The following NINL variants were observed in gnomAD, a reference collection of about 807,000 sequenced individuals.
The protein encoded by NINL is ninein like.
A neutral mutation model predicts 160.3 loss-of-function variants in NINL; 153 were observed. That is an observed-to-expected ratio of 0.95 (90% CI 0.84 to 1.09). NINL has a LOEUF of 1.09. Among genes scored for constraint, NINL ranks in the 50% least tolerant of loss-of-function variants. NINL has a pLI of 0.00. For missense variants in NINL, 1,829 were observed against 1,764.0 expected (o/e 1.04, Z -0.66); for synonymous variants, 800 against 734.8 (o/e 1.09, Z -1.43).
intron 1 of NINL, among the ~76,000 whole-genome samples, chr20:25,563,681 G>C (rs1223885937): frequency 1.3e-5 from 2 of 152,116 alleles, no homozygotes; most frequent in East Asian, 3.8e-4. Flanking sequence ...TAGAAGGATG[G>C]AGAAAATACA....
chr20:25,543,044 A>G (rs1012338754), intron 1 of NINL, among the ~76,000 whole-genome samples: 10 of 126,636 alleles, frequency 7.9e-5, no homozygotes, highest in African/African-American at 3.4e-4. Flanking sequence ...CGTCTTCAAA[A>G]AAAAAAAAAA....
At chr20:25,567,129 C>T (rs6076361) in intron 1 of NINL, among the ~76,000 whole-genome samples, 1 of 152,284 alleles carries the variant, frequency 6.6e-6, no homozygotes, top group Non-Finnish European at 1.5e-5. Flanking sequence ...TCTTTTAAAA[C>T]AATACCTTTG....
chr20:25,560,873 G>A (rs2064925550), intron 1 of NINL, among the ~76,000 whole-genome samples: 1 of 152,000 alleles, frequency 6.6e-6, no homozygotes, highest in African/African-American at 2.4e-5. Context: ...TAAGGTGAAA[G>A]AAAGACATTC....
At chr20:25,468,098 C>T (rs1268399218) in intron 18 of NINL, among the ~76,000 whole-genome samples, 2 of 152,150 alleles carry the variant, frequency 1.3e-5, no homozygotes, top group Admixed American at 6.5e-5. Flanking sequence ...AAACAATTGT[C>T]CTTGGATATG....
chr20:25,569,562 C>A (rs1391238842), intron 1 of NINL, among the ~76,000 whole-genome samples: 1 of 152,188 alleles, frequency 6.6e-6, no homozygotes, highest in Non-Finnish European at 1.5e-5. Context: ...GCCTGGAGGG[C>A]AAGACAGCGA....
intron 11 of NINL, among the ~76,000 whole-genome samples, chr20:25,490,332 G>A (rs1601124734): frequency 6.6e-6 from 1 of 152,170 alleles, no homozygotes; most frequent in African/African-American, 2.4e-5. Context: ...AGGCCGAGGC[G>A]GGCGGATCAC....
intron 1 of NINL, among the ~76,000 whole-genome samples, chr20:25,583,949 AACATCACAC>A (rs2065200456): frequency 6.6e-6 from 1 of 152,114 alleles, no homozygotes; most frequent in African/African-American, 2.4e-5. Context: ...CAGGGAGGGG[AACATCACAC>A]ACCTCACACA....
chr20:25,456,990 T>C (rs545966517), intron 22 of NINL, among the ~76,000 whole-genome samples: 2 of 152,150 alleles, frequency 1.3e-5, no homozygotes, highest in African/African-American at 4.8e-5. Flanking sequence ...TGACAGTGAC[T>C]GTGGGTAACC....
At chr20:25,525,959 G>A (rs910674557) in intron 2 of NINL, among the ~76,000 whole-genome samples, 25 of 152,274 alleles carry the variant, frequency 1.6e-4, no homozygotes, top group Middle Eastern at 3.4e-3. Flanking sequence ...TCTTTCAACA[G>A]TAGCTTGCAA....
intron 19 of NINL, among the ~76,000 whole-genome samples, chr20:25,463,403 C>T (rs544490426): frequency 7.7e-4 from 117 of 152,260 alleles, no homozygotes; most frequent in South Asian, 4.4e-3. Flanking sequence ...AACACACAAG[C>T]GTAGCTCTTG....
At chr20:25,498,766 GCCA>G (rs1479384547) in intron 8 of NINL, among the ~76,000 whole-genome samples, 2 of 152,326 alleles carry the variant, frequency 1.3e-5, no homozygotes, top group African/African-American at 4.8e-5. Flanking sequence ...TGCAGCTCAT[GCCA>G]CCAAGAAGAG....
At chr20:25,582,328 C>T (rs192940536) in intron 1 of NINL, among the ~76,000 whole-genome samples, 1 of 152,114 alleles carries the variant, frequency 6.6e-6, no homozygotes, top group African/African-American at 2.4e-5. Flanking sequence ...AAAGTGCTTT[C>T]TTTCCAATTT....
At chr20:25,520,930 G>A (rs550815419) in intron 2 of NINL, among the ~76,000 whole-genome samples, 1 of 152,312 alleles carries the variant, frequency 6.6e-6, no homozygotes, top group East Asian at 1.9e-4. Flanking sequence ...CTCTGGCTTT[G>A]TTTTCCTTCA....
chr20:25,542,394 A>T (rs2064677253), intron 1 of NINL, among the ~76,000 whole-genome samples: 1 of 152,136 alleles, frequency 6.6e-6, no homozygotes, highest in African/African-American at 2.4e-5. Context: ...TCTAAAGGTC[A>T]AGTGTACAAT....
chr20:25,488,998 A>C, intron 13 of NINL: 1 of 505,620 alleles, frequency 2.0e-6, no homozygotes, highest in Non-Finnish European at 3.6e-6. Flanking sequence ...CAGGAAAGCT[A>C]AACATGAACA....
intron 1 of NINL, among the ~76,000 whole-genome samples, chr20:25,530,560 A>G (rs772805131): frequency 6.6e-5 from 10 of 152,138 alleles, no homozygotes; most frequent in Non-Finnish European, 1.0e-4. Context: ...CCGATATTTC[A>G]CATAGGTTCT....
chr20:25,472,613 T>A (rs1004009708), intron 17 of NINL, among the ~76,000 whole-genome samples: 1 of 149,386 alleles, frequency 6.7e-6, no homozygotes, highest in Non-Finnish European at 1.5e-5. Flanking sequence ...CACTGCAGCC[T>A]CAACCTCCCA....
intron 1 of NINL, among the ~76,000 whole-genome samples, chr20:25,559,301 C>T (rs141718558): frequency 0.019 from 2,850 of 152,078 alleles, 36 homozygotes; most frequent in South Asian, 0.07. Context: ...AGTGCAGTGG[C>T]GCGATCTCGG....
rs755461590 is a variant in NINL at position 25,476,159 on chromosome 20, C to G, written c.3132G>C (p.Glu1044Asp). 3.7e-6 allele frequency: 6 copies of G among 1,614,122 alleles called. No homozygotes were observed. The East Asian group carries it at 8.9e-5, about 24-fold the overall frequency. Residue 1044 changes from glutamate (E) to aspartate (D), a missense_variant, in exon 17 of 24, where the codon GAG (glutamate) becomes GAC (aspartate). By Grantham distance (45) the Glu-to-Asp change is conservative. Coordinates refer to ENST00000278886, the MANE Select transcript of NINL (RefSeq NM_025176.6). ...SWQEQLAAPE[E>D]GETKIALERE... is the part of the protein sequence containing the mutation. ...TCTCCAGCGCTATTTTGGTCTCCCC[C>G]TCTTCTGGGGCAGCAAGCTGCTCCT...
Sources: allele counts gnomAD v4.1 joint callset (sites outside exome capture counted in the v4.1 genomes callset), GRCh38; gene constraint gnomAD v4.1.1; transcripts MANE v1.5; gene names NCBI Gene and HGNC (gene_info 2026-07-23, HGNC 2026-07-21).